DNAAF2: variants seen among roughly 807,000 people sequenced by gnomAD.
DNAAF2 encodes the protein dynein axonemal assembly factor 2.
A neutral mutation model predicts 48.8 loss-of-function variants in DNAAF2; 58 were observed. That is an observed-to-expected ratio of 1.19 (90% CI 0.96 to 1.48). The LOEUF is 1.48. Among genes scored for constraint, DNAAF2 ranks in the 40% most tolerant of loss-of-function variants. DNAAF2 has a pLI of 0.00. For missense variants in DNAAF2, 1,241 were observed against 1,116.1 expected (o/e 1.11, Z -1.59); for synonymous variants, 567 against 481.2 (o/e 1.18, Z -2.33).
At chr14:49,630,755 A>G (rs1594605696) in intron 1 of DNAAF2, among the ~76,000 whole-genome samples, 1 of 140,586 alleles carries the variant, frequency 7.1e-6, no homozygotes, top group Non-Finnish European at 1.6e-5. Flanking sequence ...ACACACACAC[A>G]CTTTTTTTTT....
In DNAAF2 at chr14:49,634,205, G is replaced by C. The variant is rs752358428; in HGVS notation, c.945C>G (p.Asp315Glu). 9.3e-6 allele frequency: 15 copies of C among 1,611,968 alleles called. No homozygotes were observed. The South Asian group carries it at 1.6e-4, about 18-fold the overall frequency. The change falls in exon 1 of 3, where the codon GAC (aspartate) becomes GAG (glutamate). Residue 315 changes from aspartate (D) to glutamate (E), a missense_variant. Coordinates refer to ENST00000298292, the MANE Select transcript of DNAAF2 (RefSeq NM_018139.3). ...KLLCLDSRKP[D>E]YRLRLSLPYP... The stretch of plus-strand genomic sequence containing the variant: ...ACGGGAGCGAGAGCCGCAGCCGGTA[G>C]TCAGGTTTCCTCGAGTCGAGGCACA...
At chr14:49,630,700 C>CACACACACACACACACACAA (rs1555327682) in intron 1 of DNAAF2, among the ~76,000 whole-genome samples, 2 of 103,012 alleles carry the variant, frequency 1.9e-5, no homozygotes, top group Non-Finnish European at 4.5e-5. Flanking sequence ...CACACACACA[C>CACACACACACACACACACAA]ATAAACTCTC....
chr14:49,629,834 T>TA (rs1379458285), intron 1 of DNAAF2: 1 of 152,174 alleles, frequency 6.6e-6, no homozygotes, highest in Non-Finnish European at 1.5e-5. Context: ...AGCACTGGGA[T>TA]ACTCCAGCGT....
rs1883221618 is a variant in DNAAF2, at chr14:49,633,507, A to C, written c.1643T>G (p.Leu548Arg). The C allele has an allele frequency of 1.2e-6, 2 of 1,614,028 alleles. No individual in the cohort carries two copies. Among genetic ancestry groups the C allele is most frequent in the Non-Finnish European group, 1.7e-6 (2 of 1,179,882 alleles). Residue 548 changes from leucine to arginine, a missense_variant, in exon 1 of 3, where the codon CTT (leucine) becomes CGT (arginine). By Grantham distance (102) the Leu-to-Arg change is moderately radical. Transcript: ENST00000298292. ...CCAGAGGGGATTCAAATCTCCTTGA[A>C]GACTTTGCGGCTGGATCCGAGGCAC... ...IQVPRIQPQSLQGDLNPLWYK... is the reference protein window; with the variant it reads ...IQVPRIQPQSRQGDLNPLWYK...
At position 49,635,114 on chromosome 14, in the gene DNAAF2, G is replaced by A; in HGVS notation, c.36C>T (p.Asp12=). The A allele has an allele frequency of 3.8e-6, 6 of 1,571,818 alleles. No individual in the cohort carries two copies. Among genetic ancestry groups the A allele is most frequent in the Non-Finnish European group, 5.2e-6 (6 of 1,159,406 alleles). The part of the protein sequence containing the change: ...AKAAASSSLE[D]LDLSGEEVQR... ...GGACCTCCTCTCCGCTCAGGTCCAA[G>A]TCCTCCAGCGACGAGGAGGCCGCCG... is the stretch of plus-strand genomic sequence containing the variant. The change falls in exon 1 of 3, where the codon GAC becomes GAT. Residue 12 remains aspartate, a synonymous_variant. Coordinates refer to ENST00000298292, the MANE Select transcript of DNAAF2 (RefSeq NM_018139.3).
Position 49,633,552 on chromosome 14 carries a change from G to C in DNAAF2, c.1598C>G (p.Thr533Ser). 6.2e-7 allele frequency: 1 copy of C among 1,614,016 alleles called. No homozygotes were observed. Among genetic ancestry groups the C allele is most frequent in the Middle Eastern group, 1.6e-4 (1 of 6,062 alleles). Residue 533 changes from threonine to serine, a missense_variant, in exon 1 of 3, where the codon ACC becomes AGC. By Grantham distance (58) the Thr-to-Ser change is moderately conservative (BLOSUM62 1). Transcript: ENST00000298292. ...AGGCACCTGAATGAGCAGAGTCAAG[G>C]TTTCTTTGTCCTGATTACACAGTAA... is the stretch of plus-strand genomic sequence containing the variant. ...PPLLCNQDKE[T>S]LTLLIQVPRI...
intron 1 of DNAAF2, among the ~76,000 whole-genome samples, chr14:49,630,669 C>CCACACACACA (rs71441237): frequency 0.011 from 1,499 of 132,530 alleles, 13 homozygotes; most frequent in Admixed American, 0.012. Context: ...AACTCTCTCT[C>CCACACACACA]CACACACACA....
rs1183428284 is a variant in DNAAF2 at position 49,633,281 on chromosome 14, T to C, written c.1863+6A>G. On this transcript the variant is annotated splice_donor_region_variant and intron_variant, in intron 1 of 2. Coordinates refer to ENST00000298292, the MANE Select transcript of DNAAF2 (RefSeq NM_018139.3). ...CAAATATGAGGACTCTGGAAAGAAC[T>C]GTTACCTCCAAAGAATCGTTGTTTA... 3 of 1,612,132 alleles carry C rather than the reference T, an allele frequency of 1.9e-6. No individual in the cohort carries two copies. Among genetic ancestry groups the C allele is most frequent in the Admixed American group, 1.7e-5 (1 of 59,876 alleles).
At chr14:49,627,432 T>C (rs948787658) in intron 2 of DNAAF2, among the ~76,000 whole-genome samples, 4 of 152,246 alleles carry the variant, frequency 2.6e-5, no homozygotes, top group African/African-American at 9.6e-5. Flanking sequence ...AAAGATTGTA[T>C]GTCCCTGGAC....
In DNAAF2 at chr14:49,625,627, T is replaced by C. The variant is rs780416166; in HGVS notation, c.2429A>G (p.Gln810Arg). The C allele has an allele frequency of 3.1e-6, 5 of 1,613,614 alleles. No individual in the cohort carries two copies. Among genetic ancestry groups the C allele is most frequent in the African/African-American group, 2.7e-5 (2 of 74,938 alleles). Reference sequence around the variant, plus strand: ...TTTAATGACCTGCACACTACCATCCTGCATATTGGTTTCTTTTATGCTGTC... The same window carrying C: ...TTTAATGACCTGCACACTACCATCCCGCATATTGGTTTCTTTTATGCTGTC... ...GFDSIKETNMQDGSVQVIKDH... is the reference protein window; with the variant it reads ...GFDSIKETNMRDGSVQVIKDH... Residue 810 changes from glutamine to arginine, a missense_variant, in exon 3 of 3, where the codon CAG (glutamine) becomes CGG (arginine). Transcript: ENST00000298292.
chr14:49,634,834 C>T lies in DNAAF2; in HGVS notation c.316G>A (p.Gly106Ser), dbSNP rs1883296720. 5.2e-6 allele frequency: 8 copies of T among 1,545,600 alleles called. No individual in the cohort carries two copies. Among genetic ancestry groups the T allele is most frequent in the South Asian group, 2.4e-5 (2 of 84,248 alleles). Residue 106 changes from glycine (G) to serine (S), a missense_variant, in exon 1 of 3, where the codon GGC becomes AGC. By Grantham distance (56) the Gly-to-Ser change is moderately conservative (BLOSUM62 0). Coordinates refer to ENST00000298292, the MANE Select transcript of DNAAF2 (RefSeq NM_018139.3). The stretch of plus-strand genomic sequence containing the variant: ...GCTGCGCCCCGGTCGCCACCGGAGC[C>T]GGGCCGGCTGCTGGGCGCGCCCACC... ...ALVGAPSSRP[G>S]SGGDRGAAPG...
chr14:49,626,171 T>C, intron 2 of DNAAF2, 123 bp from the exon 3 acceptor site: 6 of 740,202 alleles, frequency 8.1e-6, no homozygotes, highest in Non-Finnish European at 1.1e-5. Flanking sequence ...CCTGCAGGTA[T>C]ACATCCAGGC....
chr14:49,634,106 C>T lies in DNAAF2; in HGVS notation c.1044G>A (p.Val348=), dbSNP rs780712956. 55 of 1,548,996 alleles carry T rather than the reference C, an allele frequency of 3.6e-5. No homozygotes were observed. Among genetic ancestry groups the T allele is most frequent in the Non-Finnish European group, 4.6e-5 (53 of 1,147,446 alleles). ...ARRQLVVTLP[V]VLPAARREPA... is the part of the protein sequence containing the mutation. Reference sequence around the variant, plus strand: ...GCTCCCGGCGCGCGGCCGGCAGCACCACTGGCAGCGTAACCACCAGCTGCC... The same window carrying T: ...GCTCCCGGCGCGCGGCCGGCAGCACTACTGGCAGCGTAACCACCAGCTGCC... Residue 348 remains valine (V), a synonymous_variant, in exon 1 of 3, where the codon GTG becomes GTA. Coordinates refer to ENST00000298292, the MANE Select transcript of DNAAF2 (RefSeq NM_018139.3).
chr14:49,630,454 T>C (rs17121651), intron 1 of DNAAF2, among the ~76,000 whole-genome samples: 98,258 of 151,864 alleles, frequency 0.65, 33,794 homozygotes, highest in Non-Finnish European at 0.76. Flanking sequence ...CAGTTCATTG[T>C]TGCCCCAAAT....
rs775542514 is a variant in DNAAF2 at position 49,625,893 on chromosome 14, G to A, written c.2163C>T (p.Ser721=). 53 of 1,613,300 alleles carry A rather than the reference G, an allele frequency of 3.3e-5. No homozygotes were observed. The highest frequency in any genetic ancestry group is 4.2e-5 in the Non-Finnish European group (49 of 1,179,734). The change falls in exon 3 of 3, where the codon AGC becomes AGT. Residue 721 remains serine, a synonymous_variant. Coordinates refer to ENST00000298292, the MANE Select transcript of DNAAF2 (RefSeq NM_018139.3). ...SIAVKALQID[S]FGLVTCFQQE... ...GTTGAAAGCATGTAACTAAACCAAA[G>A]CTATCTATTTGTAGTGCTTTAACTG...
intron 1 of DNAAF2, among the ~76,000 whole-genome samples, chr14:49,630,957 G>A (rs1372239874): frequency 1.3e-5 from 2 of 151,978 alleles, no homozygotes; most frequent in Admixed American, 6.6e-5. Context: ...CACCTTGTTG[G>A]CCAGGATGGT....
At position 49,634,994 on chromosome 14, in the gene DNAAF2, G is replaced by A; in HGVS notation, c.156C>T (p.Tyr52=). ...GCTCTAGCGCGGTGATCTCCGCCTCGTAGCGCCGCCGGTTCTCCGGGTCGG... is the reference window on the plus strand; with the variant it reads ...GCTCTAGCGCGGTGATCTCCGCCTCATAGCGCCGCCGGTTCTCCGGGTCGG... ...ELTDPENRRR[Y]EAEITALERE... is the part of the protein sequence containing the mutation. The change falls in exon 1 of 3, where the codon TAC becomes TAT. Residue 52 remains tyrosine (Y), a synonymous_variant. Transcript: ENST00000298292. 6.4e-7 allele frequency: 1 copy of A among 1,564,814 alleles called. No homozygotes were observed. Among genetic ancestry groups the A allele is most frequent in the Non-Finnish European group, 8.7e-7 (1 of 1,154,998 alleles).
At chr14:49,632,595 G>A (rs1883191372) in intron 1 of DNAAF2, among the ~76,000 whole-genome samples, 1 of 151,794 alleles carries the variant, frequency 6.6e-6, no homozygotes, top group Non-Finnish European at 1.5e-5. Context: ...ACGGGTGCCC[G>A]CCACCACGCC....
chr14:49,631,269 C>T (rs1368311130), intron 1 of DNAAF2, among the ~76,000 whole-genome samples: 2 of 152,106 alleles, frequency 1.3e-5, no homozygotes, highest in East Asian at 1.9e-4. Flanking sequence ...AAATAATACA[C>T]CAAATATTTT....
Sources: allele counts gnomAD v4.1 joint callset (sites outside exome capture counted in the v4.1 genomes callset), GRCh38; gene constraint gnomAD v4.1.1; transcripts MANE v1.5; gene names NCBI Gene and HGNC (gene_info 2026-07-23, HGNC 2026-07-21).